The following CAPN8 variants were observed in gnomAD, a reference collection of about 807,000 sequenced individuals.
The protein encoded by CAPN8 is calpain 8.
A neutral mutation model predicts 80.9 loss-of-function variants in CAPN8; 87 were observed. The observed-to-expected ratio is 1.07, with a 90% CI of 0.90 to 1.28. The LOEUF is 1.28. CAPN8 is among the 50% of genes most tolerant of loss of function. CAPN8 has a pLI of 0.00. For synonymous variants in CAPN8, 299 were observed against 273.8 expected, an observed-to-expected ratio of 1.09 and a Z score of -0.91; for missense variants, 757 against 702.0, an observed-to-expected ratio of 1.08 and a Z score of -0.89.
At chr1:223,625,046 T>C (rs945075455) in intron 6 of CAPN8, among the ~76,000 whole-genome samples, 30 of 152,224 alleles carry the variant, frequency 2.0e-4, no homozygotes, top group Non-Finnish European at 1.5e-4. Context: ...TGAGCCGAGA[T>C]TGCATCACTG....
At chr1:223,656,553 G>A (rs557704006) in intron 1 of CAPN8, among the ~76,000 whole-genome samples, 15 of 151,916 alleles carry the variant, frequency 9.9e-5, no homozygotes, top group Admixed American at 2.6e-4. Context: ...AAATAATGGT[G>A]TAAAACACAA....
At chr1:223,659,548 C>G (rs923826080) in intron 1 of CAPN8, among the ~76,000 whole-genome samples, 9 of 152,192 alleles carry the variant, frequency 5.9e-5, no homozygotes, top group African/African-American at 2.2e-4. Context: ...TCTTCAGTCT[C>G]TATCCCGATT....
intron 15 of CAPN8, 126 bp downstream of exon 15, chr1:223,550,834 T>G: frequency 1.7e-6 from 1 of 598,338 alleles, no homozygotes; most frequent in East Asian, 2.9e-5. Flanking sequence ...TCAGGGCTCC[T>G]GGGGTCAGAC....
intron 11 of CAPN8, among the ~76,000 whole-genome samples, chr1:223,611,972 C>T (rs1044793048): frequency 6.6e-6 from 1 of 152,146 alleles, no homozygotes; most frequent in African/African-American, 2.4e-5. Context: ...CCTTGGCTGC[C>T]CATTGGAATC....
Position 223,665,482 on chromosome 1 carries a change from T to G in CAPN8, c.165A>C (p.Pro55=), listed in dbSNP as rs1312092984. The change falls in exon 1 of 21, where the codon CCA becomes CCC. Residue 55 remains proline (P), a synonymous_variant. Transcript: ENST00000366872. ...LFKDPEFPAC[P]SALGYKDLGP... ...CAAGATCCTTGTAGCCCAAAGCTGA[T>G]GGACATGCTGGGAACTCAGGGTCCT... 6.4e-7 allele frequency: 1 copy of G among 1,551,898 alleles called. No homozygotes were observed. Among genetic ancestry groups the G allele is most frequent in the East Asian group, 2.4e-5 (1 of 40,916 alleles).
Position 223,551,010 on chromosome 1 carries a change from T to C in CAPN8, c.1649A>G (p.Glu550Gly), listed in dbSNP as rs888886413. The C allele has an allele frequency of 7.0e-6, 5 of 718,060 alleles. No homozygotes were observed. In the African/African-American group the frequency reaches 8.7e-5, roughly 13 times the overall value. 44.5% of individuals were successfully genotyped at this position (718,060 alleles called of 1,614,324 possible). ...TATCTTGAGTGCATTGGCAGTAATC[T>C]CAGAATCCTAGAAAGAGGAACCCAA... ...LFEKLAGKDS[E>G]ITANALKILL... The change falls in exon 15 of 21, where the codon GAG becomes GGG. Residue 550 changes from glutamate to glycine, a missense_variant. Glu to Gly is a moderately conservative substitution (Grantham distance 98). Coordinates refer to ENST00000366872, the MANE Select transcript of CAPN8 (RefSeq NM_001143962.2).
chr1:223,545,374 G>C, intron 16 of CAPN8, 75 bp from the exon 17 acceptor site: 1 of 1,547,286 alleles, frequency 6.5e-7, no homozygotes, highest in East Asian at 2.4e-5. Context: ...TTGTGAGCTT[G>C]CATGAGTGCC....
chr1:223,625,574 G>T (rs182088172), intron 6 of CAPN8, among the ~76,000 whole-genome samples: 3 of 152,176 alleles, frequency 2.0e-5, no homozygotes, highest in African/African-American at 7.2e-5. Context: ...TGGGATTACA[G>T]GTGTGAGCCA....
Position 223,665,453 on chromosome 1 carries a change from G to A in CAPN8, c.194C>T (p.Pro65Leu). The A allele has an allele frequency of 4.5e-6, 7 of 1,552,080 alleles. No homozygotes were observed. Among genetic ancestry groups the A allele is most frequent in the Non-Finnish European group, 6.1e-6 (7 of 1,147,056 alleles). ...PSALGYKDLG[P>L]GSPQTQGIIW... is the part of the protein sequence containing the mutation. ...GATGCCTTGAGTTTGCGGAGAGCCT[G>A]GTCCAAGATCCTTGTAGCCCAAAGC... Residue 65 changes from proline (P) to leucine (L), a missense_variant, in exon 1 of 21, where the codon CCA becomes CTA. Physicochemically the swap from Pro to Leu is moderately conservative, Grantham distance 98 (BLOSUM62 -3). Coordinates refer to ENST00000366872, the MANE Select transcript of CAPN8 (RefSeq NM_001143962.2).
intron 1 of CAPN8, among the ~76,000 whole-genome samples, chr1:223,656,931 G>A (rs897991153): frequency 2.6e-5 from 4 of 152,018 alleles, no homozygotes; most frequent in Admixed American, 2.0e-4. Context: ...TGATCCGCCC[G>A]CCTCGGCCTC....
intron 6 of CAPN8, among the ~76,000 whole-genome samples, chr1:223,623,995 C>A (rs1657482808): frequency 1.7e-5 from 2 of 115,442 alleles, no homozygotes; most frequent in South Asian, 6.2e-4. Flanking sequence ...CAAGACTCCA[C>A]CTGAAAAAAA....
At chr1:223,610,380 G>A (rs1484574461) in intron 11 of CAPN8, among the ~76,000 whole-genome samples, 2 of 152,152 alleles carry the variant, frequency 1.3e-5, no homozygotes, top group African/African-American at 4.8e-5. Flanking sequence ...CGGCCACTAG[G>A]GTGCCCACAG....
intron 16 of CAPN8, among the ~76,000 whole-genome samples, chr1:223,546,084 A>T (rs1340397416): frequency 6.8e-6 from 1 of 147,170 alleles, no homozygotes; most frequent in Non-Finnish European, 1.5e-5. Context: ...TGCCTGCCTC[A>T]GCCTCCCAAA....
chr1:223,554,485 T>C (rs1656863097), intron 13 of CAPN8, among the ~76,000 whole-genome samples: 1 of 152,050 alleles, frequency 6.6e-6, no homozygotes, highest in African/African-American at 2.4e-5. Context: ...CTGGGTGTAG[T>C]GGTGCACGCC....
chr1:223,625,468 A>G (rs1476183423), intron 6 of CAPN8, among the ~76,000 whole-genome samples: 1 of 152,108 alleles, frequency 6.6e-6, no homozygotes, highest in Admixed American at 6.6e-5. Context: ...AAAAATTTTT[A>G]ATTTTTTCGT....
chr1:223,622,799 G>A lies in CAPN8; in HGVS notation c.899+16C>T, dbSNP rs924314366. 5 of 1,547,586 alleles carry A rather than the reference G, an allele frequency of 3.2e-6. No individual in the cohort carries two copies. The highest frequency in any genetic ancestry group is 3.5e-6 in the Non-Finnish European group (4 of 1,143,340). Reference sequence around the variant, plus strand: ...AGAGGGAGAGATGACTGGAGAAGCGGGGGAAAAAAACCTACTCATCGCTCC... The same window carrying A: ...AGAGGGAGAGATGACTGGAGAAGCGAGGGAAAAAAACCTACTCATCGCTCC... On this transcript the variant is annotated intron_variant, in intron 7 of 20. Coordinates refer to ENST00000366872, the MANE Select transcript of CAPN8 (RefSeq NM_001143962.2).
intron 9 of CAPN8, among the ~76,000 whole-genome samples, chr1:223,619,039 TA>T (rs1657293930): frequency 6.6e-6 from 1 of 151,970 alleles, no homozygotes; most frequent in African/African-American, 2.4e-5. Flanking sequence ...AAACATTTTT[TA>T]AAAATTAGCC....
intron 13 of CAPN8, among the ~76,000 whole-genome samples, chr1:223,556,870 T>G (rs951405054): frequency 1.3e-5 from 2 of 152,142 alleles, no homozygotes; most frequent in Non-Finnish European, 2.9e-5. Context: ...CAGTAAGAGA[T>G]GCCACCGTGA....
chr1:223,652,132 A>G (rs541908375), intron 2 of CAPN8, among the ~76,000 whole-genome samples: 1 of 150,196 alleles, frequency 6.7e-6, no homozygotes, highest in African/African-American at 2.4e-5. Context: ...CAACTGTTTT[A>G]AAAAAATCCC....
Sources: gnomAD v4.1 joint callset for allele counts (sites outside exome capture counted in the v4.1 genomes callset) on GRCh38, gnomAD v4.1.1 for gene constraint, MANE v1.5 for transcripts, NCBI Gene and HGNC (gene_info 2026-07-23, HGNC 2026-07-21) for gene names.